Variants in SMYD3 observed in about 807,000 individuals in gnomAD.
The protein encoded by SMYD3 is histone-lysine N-methyltransferase SMYD3.
A neutral mutation model predicts 57.7 loss-of-function variants in SMYD3; 36 were observed. That is an observed-to-expected ratio of 0.62 (90% CI 0.48 to 0.82). The LOEUF (loss-of-function observed/expected upper bound fraction) is 0.82, where lower values mean the gene tolerates loss of function less well. SMYD3 is among the 40% of genes least tolerant of loss of function. The pLI is 0.00. For missense variants in SMYD3, 515 were observed against 538.8 expected (o/e 0.96, Z 0.44); for synonymous variants, 211 against 195.0 (o/e 1.08, Z -0.68).
chr1:245,767,642 G>A (rs2046171393), intron 10 of SMYD3, among the ~76,000 whole-genome samples: 13 of 152,190 alleles, frequency 8.5e-5, no homozygotes, highest in Admixed American at 8.5e-4. Context: ...CTCTGGTGAT[G>A]GGATAGGAAG....
chr1:246,492,089 T>A (rs1014991615), intron 1 of SMYD3, among the ~76,000 whole-genome samples: 1 of 152,204 alleles, frequency 6.6e-6, no homozygotes, highest in African/African-American at 2.4e-5. Context: ...AGAGAAAAAG[T>A]TGAGACTCAT....
Position 246,276,362 on chromosome 1 carries a change from C to T in SMYD3, c.531+50839G>A, listed in dbSNP as rs80053972. 3.0e-5 allele frequency among the ~76,000 whole-genome samples: 3 copies of T among 99,980 alleles called. 1 individual carries two copies. The highest frequency in any genetic ancestry group is 6.3e-5 in the Non-Finnish European group (3 of 47,312). 65.6% of individuals were successfully genotyped at this position (99,980 alleles called of 152,430 possible). On this transcript the variant is annotated intron_variant, in intron 5 of 11. Coordinates refer to ENST00000490107, the MANE Select transcript of SMYD3 (RefSeq NM_001167740.2). ...GAATACTAACTCCATTTTTTCACTA[C>T]CCGTATTAACACTGGCAGGTTATTT... is the stretch of plus-strand genomic sequence containing the variant.
At chr1:246,368,027 A>G (rs994064592) in intron 1 of SMYD3, among the ~76,000 whole-genome samples, 9 of 152,354 alleles carry the variant, frequency 5.9e-5, no homozygotes, top group Non-Finnish European at 1.0e-4. Context: ...TTCATGGAGC[A>G]CAAGTTAAGT....
chr1:246,213,099 A>G (rs1481750667), intron 5 of SMYD3, among the ~76,000 whole-genome samples: 1 of 152,200 alleles, frequency 6.6e-6, no homozygotes, highest in Non-Finnish European at 1.5e-5. Context: ...CAGAGAAATG[A>G]ATAAAATTAA....
rs536697041 is a variant in SMYD3, at chr1:246,331,209, T to TA, written c.337-673dup. On this transcript the variant is annotated intron_variant, in intron 3 of 11. Coordinates refer to ENST00000490107, the MANE Select transcript of SMYD3 (RefSeq NM_001167740.2). ...GAAAGATATTCACACTAAAGATGGG[T>TA]AAAAAAATCTAAAAGGCTTCACCAC... Among the ~76,000 whole-genome samples the TA allele has an allele frequency of 1.2e-4, 18 of 152,022 alleles. No homozygotes were observed. The East Asian group carries it at 3.1e-3, about 26-fold the overall frequency.
intron 5 of SMYD3, among the ~76,000 whole-genome samples, chr1:246,316,551 T>G (rs922046605): frequency 4.8e-5 from 7 of 146,230 alleles, no homozygotes; most frequent in African/African-American, 1.5e-4. Flanking sequence ...GTTTTTTTTT[T>G]TTTTTTTTTT....
chr1:245,765,777 G>A (rs2046064742), intron 10 of SMYD3, among the ~76,000 whole-genome samples: 1 of 152,090 alleles, frequency 6.6e-6, no homozygotes, highest in Admixed American at 6.5e-5. Flanking sequence ...CCTGCCCACA[G>A]ACATCACTAA....
intron 5 of SMYD3, among the ~76,000 whole-genome samples, chr1:245,958,485 GC>G (rs1412025799): frequency 6.6e-6 from 1 of 152,108 alleles, no homozygotes; most frequent in East Asian, 1.9e-4. Flanking sequence ...TCGTGTGACT[GC>G]CCTTTCTCTT....
At chr1:245,776,067 C>T (rs571679249) in intron 10 of SMYD3, among the ~76,000 whole-genome samples, 2 of 152,154 alleles carry the variant, frequency 1.3e-5, no homozygotes, top group African/African-American at 4.8e-5. Flanking sequence ...AGTATTCAAG[C>T]GTTTTAAAGC....
At chr1:246,033,400 T>C (rs1326751363) in intron 5 of SMYD3, among the ~76,000 whole-genome samples, 3 of 152,170 alleles carry the variant, frequency 2.0e-5, no homozygotes, top group African/African-American at 7.2e-5. Flanking sequence ...GCGGTTGGGA[T>C]GTAAGGAAAG....
At chr1:245,762,043 C>A (rs2045869090) in intron 11 of SMYD3, among the ~76,000 whole-genome samples, 1 of 152,068 alleles carries the variant, frequency 6.6e-6, no homozygotes, top group African/African-American at 2.4e-5. Flanking sequence ...CCTCAGCCTC[C>A]CAAAGTGCTG....
At chr1:246,441,238 C>G (rs561693611) in intron 1 of SMYD3, among the ~76,000 whole-genome samples, 2 of 152,210 alleles carry the variant, frequency 1.3e-5, no homozygotes, top group South Asian at 4.2e-4. Context: ...CTTTCTTGGT[C>G]GTCATTTGTG....
intron 10 of SMYD3, among the ~76,000 whole-genome samples, chr1:245,765,653 G>C (rs757084054): frequency 4.6e-5 from 7 of 152,160 alleles, no homozygotes; most frequent in Non-Finnish European, 8.8e-5. Flanking sequence ...ACTTACACTG[G>C]CTCCCAAGGA....
chr1:245,945,974 C>T (rs896052287), intron 5 of SMYD3, among the ~76,000 whole-genome samples: 1 of 151,948 alleles, frequency 6.6e-6, no homozygotes, highest in Non-Finnish European at 1.5e-5. Flanking sequence ...GATTGAGGGG[C>T]GGAAGAACAT....
At chr1:246,094,474 A>G (rs1260826315) in intron 5 of SMYD3, among the ~76,000 whole-genome samples, 2 of 152,216 alleles carry the variant, frequency 1.3e-5, no homozygotes, top group African/African-American at 4.8e-5. Context: ...TACAGGATTT[A>G]AGTTTTGTAT....
At chr1:246,479,330 A>G (rs887572238) in intron 1 of SMYD3, among the ~76,000 whole-genome samples, 2 of 152,182 alleles carry the variant, frequency 1.3e-5, no homozygotes, top group African/African-American at 2.4e-5. Context: ...TAACCTCTTT[A>G]AGCCTCAGTC....
intron 5 of SMYD3, among the ~76,000 whole-genome samples, chr1:245,936,213 G>T (rs1463659263): frequency 1.3e-5 from 2 of 151,886 alleles, no homozygotes; most frequent in Non-Finnish European, 2.9e-5. Context: ...GAAAAACAAG[G>T]GAAAATACAT....
At chr1:246,386,180 G>A (rs911982186) in intron 1 of SMYD3, among the ~76,000 whole-genome samples, 2 of 152,188 alleles carry the variant, frequency 1.3e-5, no homozygotes, top group African/African-American at 4.8e-5. Context: ...GAGCCACCGC[G>A]TCTGGCCTAA....
intron 10 of SMYD3, among the ~76,000 whole-genome samples, chr1:245,814,154 T>C (rs2048655289): frequency 6.6e-6 from 1 of 152,008 alleles, no homozygotes; most frequent in African/African-American, 2.4e-5. Context: ...CTGTCTAGCC[T>C]GGGAGGAAAA....
Sources: allele counts gnomAD v4.1 joint callset (sites outside exome capture counted in the v4.1 genomes callset), GRCh38; gene constraint gnomAD v4.1.1; transcripts MANE v1.5; gene names NCBI Gene and HGNC (gene_info 2026-07-23, HGNC 2026-07-21).